The following HERC1 variants were observed in gnomAD, a reference collection of about 807,000 sequenced individuals.
HERC1 encodes the protein probable E3 ubiquitin-protein ligase HERC1.
HERC1 carries 160 observed loss-of-function variants against 554.3 expected under a neutral mutation model. That is an observed-to-expected ratio of 0.29 (90% CI 0.25 to 0.33). The LOEUF is 0.33. Ranked by LOEUF, HERC1 falls within the 10% of genes least tolerant of loss-of-function variation. The probability of loss-of-function intolerance (pLI) is 1.00; values close to 1 mark genes in which losing one functional copy is unlikely to be tolerated. For synonymous variants in HERC1, 2,175 were observed against 2,131.7 expected (o/e 1.02, Z -0.56); for missense variants, 4,919 against 5,918.5 (o/e 0.83, Z 5.54).
In HERC1 at chr15:63,746,957, G is replaced by A; in HGVS notation, c.2481C>T (p.Phe827=). ...RQAGPLRNLL[F]RLMDSTVPDE... ...CTGGGACAGTTGAGTCCATCAGTCTGAAGAGCAAATTTCGAAGTGGACCTG... is the reference window on the plus strand; with the variant it reads ...CTGGGACAGTTGAGTCCATCAGTCTAAAGAGCAAATTTCGAAGTGGACCTG... Residue 827 remains phenylalanine, a synonymous_variant, in exon 12 of 78, where the codon TTC becomes TTT. Transcript: ENST00000443617. 1 of 1,553,864 alleles carries A rather than the reference G, an allele frequency of 6.4e-7. No individual in the cohort carries two copies. The highest frequency in any genetic ancestry group is 8.7e-7 in the Non-Finnish European group (1 of 1,148,286).
At chr15:63,687,926 A>G (rs545357943) in intron 33 of HERC1, among the ~76,000 whole-genome samples, 1 of 152,228 alleles carries the variant, frequency 6.6e-6, no homozygotes, top group Non-Finnish European at 1.5e-5. Flanking sequence ...TACAAGAAGA[A>G]GGCAAGTTGC....
chr15:63,738,609 G>C (rs562372272), intron 12 of HERC1, among the ~76,000 whole-genome samples: 1 of 152,198 alleles, frequency 6.6e-6, no homozygotes, highest in African/African-American at 2.4e-5. Context: ...TGGTGGGAAA[G>C]CATACAAGAA....
chr15:63,739,878 A>ACG (rs34617832), intron 12 of HERC1, among the ~76,000 whole-genome samples: 6,224 of 151,948 alleles, frequency 0.041, 243 homozygotes, highest in African/African-American at 0.1. Flanking sequence ...TTACACAATA[A>ACG]GCCCTTTGTG....
At chr15:63,766,799 T>TC (rs1428130066) in intron 2 of HERC1, among the ~76,000 whole-genome samples, 1 of 152,106 alleles carries the variant, frequency 6.6e-6, no homozygotes, top group Non-Finnish European at 1.5e-5. Context: ...TGCCTCAGTC[T>TC]CCCGAGTAGC....
rs779072731 is a variant in HERC1, at chr15:63,672,658, T to G, written c.7883A>C (p.Gln2628Pro). ...DQQAEESDPA[Q>P]QAQTPVTTSP... ...AGTAGTAACTGGTGTCTGTGCCTGC[T>G]GGGCAGGGTCACTTTCTTCAGCTTG... The change falls in exon 39 of 78, where the codon CAG becomes CCG. Residue 2628 changes from glutamine to proline, a missense_variant. Physicochemically the swap from Gln to Pro is moderately conservative, Grantham distance 76 (BLOSUM62 -1). This residue lies in a region of HERC1 where 1,963 missense variants were observed against 2,228.6 expected (regional missense o/e 0.88). Coordinates refer to ENST00000443617, the MANE Select transcript of HERC1 (RefSeq NM_003922.4). The G allele has an allele frequency of 2.3e-5, 37 of 1,611,686 alleles. No individual in the cohort carries two copies. Among genetic ancestry groups the G allele is most frequent in the Non-Finnish European group, 3.1e-5 (36 of 1,178,706 alleles).
intron 1 of HERC1, among the ~76,000 whole-genome samples, chr15:63,829,479 A>ATCT (rs1555455605): frequency 1.1e-5 from 1 of 87,632 alleles, no homozygotes; most frequent in South Asian, 3.7e-4. Flanking sequence ...TGTTTATATA[A>ATCT]ATATATATAT....
chr15:63,724,526 C>T (rs150625374), intron 18 of HERC1, among the ~76,000 whole-genome samples: 4 of 152,174 alleles, frequency 2.6e-5, no homozygotes, highest in South Asian at 4.1e-4. Context: ...TTTTCTTTTC[C>T]GCTCTCCTTC....
At chr15:63,735,147 C>CA (rs1323890998) in intron 12 of HERC1, among the ~76,000 whole-genome samples, 1 of 152,046 alleles carries the variant, frequency 6.6e-6, no homozygotes, top group Non-Finnish European at 1.5e-5. Context: ...ATAAGACAGA[C>CA]AAAATCTCTG....
chr15:63,720,122 A>G (rs149998268), intron 19 of HERC1, among the ~76,000 whole-genome samples: 1,733 of 4,730 alleles, frequency 0.37, 85 homozygotes, highest in Non-Finnish European at 0.46. Context: ...TTTTTTTAAG[A>G]GACAGGGTCT....
chr15:63,771,195 A>G (rs894435855), intron 2 of HERC1, among the ~76,000 whole-genome samples: 2 of 152,046 alleles, frequency 1.3e-5, no homozygotes, highest in Non-Finnish European at 2.9e-5. Flanking sequence ...CCTCAAAAAA[A>G]AAAAGAAAAG....
chr15:63,677,997 C>T lies in HERC1; in HGVS notation c.6918G>A (p.Val2306=). 2 of 1,614,004 alleles carry T rather than the reference C, an allele frequency of 1.2e-6. No individual in the cohort carries two copies. The highest frequency in any genetic ancestry group is 1.7e-6 in the Non-Finnish European group (2 of 1,179,890). ...LRTLCIEVWP[V]LAVIGGVDAG... Reference sequence around the variant, plus strand: ...CATCAACTCCTCCTATCACAGCCAGCACGGGCCACACCTCTATGCAAAGAG... The same window carrying T: ...CATCAACTCCTCCTATCACAGCCAGTACGGGCCACACCTCTATGCAAAGAG... Residue 2306 remains valine, a synonymous_variant, in exon 37 of 78, where the codon GTG becomes GTA. Coordinates refer to ENST00000443617, the MANE Select transcript of HERC1 (RefSeq NM_003922.4). The surrounding 1 kb of genome is among the most constrained non-coding windows in gnomAD (Gnocchi z 4.4).
intron 2 of HERC1, among the ~76,000 whole-genome samples, chr15:63,769,103 G>A (rs879035390): frequency 1.2e-4 from 18 of 152,058 alleles, no homozygotes; most frequent in Admixed American, 3.9e-4. Context: ...AGTCAGTTAC[G>A]ATTGAAGACA....
In HERC1 at chr15:63,830,524, CA is replaced by C. The variant is rs549595623; in HGVS notation, c.-27+3302del. On this transcript the variant is annotated intron_variant, in intron 1 of 77. Coordinates refer to ENST00000443617, the MANE Select transcript of HERC1 (RefSeq NM_003922.4). ...TGGGAACCTAGATTAGACCCTAGAACAAAAAAAAAGGCATTAATGGGGAAAA... is the reference window on the plus strand; with the variant it reads ...TGGGAACCTAGATTAGACCCTAGAACAAAAAAAAGGCATTAATGGGGAAAA... Among the ~76,000 whole-genome samples, 189 of 148,894 alleles carry C rather than the reference CA, an allele frequency of 1.3e-3. 1 individual carries two copies. The highest frequency in any genetic ancestry group is 4.5e-3 in the African/African-American group (183 of 40,648).
intron 2 of HERC1, among the ~76,000 whole-genome samples, chr15:63,765,561 C>T (rs2075747754): frequency 6.6e-6 from 1 of 152,114 alleles, no homozygotes; most frequent in African/African-American, 2.4e-5. Flanking sequence ...TTGGAGGCTT[C>T]ATCTGCATGA....
intron 1 of HERC1, among the ~76,000 whole-genome samples, chr15:63,798,418 G>A (rs74019021): frequency 0.031 from 4,707 of 151,906 alleles, 100 homozygotes; most frequent in African/African-American, 0.065. Flanking sequence ...TCCCACCTAC[G>A]TAACAGACAC....
chr15:63,812,117 A>G (rs916664338), intron 1 of HERC1, among the ~76,000 whole-genome samples: 2 of 152,232 alleles, frequency 1.3e-5, no homozygotes, highest in African/African-American at 4.8e-5. Context: ...AAACATAGAC[A>G]CTAAGTTGCC....
chr15:63,669,802 G>A (rs996181360), intron 39 of HERC1, 104 bp from the exon 40 acceptor site: 2 of 998,172 alleles, frequency 2.0e-6, no homozygotes, highest in Non-Finnish European at 1.5e-6. Context: ...GACTAAACAG[G>A]TTAGTTATAG....
chr15:63,713,020 A>T, intron 23 of HERC1, 125 bp from the exon 24 acceptor site: 15 of 930,188 alleles, frequency 1.6e-5, no homozygotes, highest in Non-Finnish European at 2.2e-5. Flanking sequence ...GTTGACAGGA[A>T]ATCCTGACTC....
chr15:63,665,577 T>C (rs1369196990), intron 42 of HERC1, among the ~76,000 whole-genome samples: 1 of 152,168 alleles, frequency 6.6e-6, no homozygotes, highest in East Asian at 1.9e-4. Flanking sequence ...TAAATCAATG[T>C]CCAATATTAA....
Sources: allele counts gnomAD v4.1 joint callset (sites outside exome capture counted in the v4.1 genomes callset), GRCh38; gene constraint gnomAD v4.1.1; regional missense constraint gnomAD v4.1.1; non-coding constraint Gnocchi (gnomAD v3.1); transcripts MANE v1.5; gene names NCBI Gene and HGNC (gene_info 2026-07-23, HGNC 2026-07-21).